Variants in CCNH observed in about 807,000 individuals in gnomAD.
The protein encoded by CCNH is cyclin-H.
CCNH carries 31 observed loss-of-function variants against 41.9 expected under a neutral mutation model. That is an observed-to-expected ratio of 0.74 (90% CI 0.56 to 1.00). CCNH has a LOEUF of 1.00. Among genes scored for constraint, CCNH ranks in the 50% least tolerant of loss-of-function variants. The probability of loss-of-function intolerance (pLI) is 0.00; values close to 1 mark genes in which losing one functional copy is unlikely to be tolerated. For synonymous variants in CCNH, 138 were observed against 136.1 expected, an observed-to-expected ratio of 1.01 and a Z score of -0.10; for missense variants, 362 against 388.4, an observed-to-expected ratio of 0.93 and a Z score of 0.57.
upstream of CCNH, chr5:87,377,194 C>A: frequency 1.0e-6 from 1 of 961,020 alleles, no homozygotes; most frequent in Non-Finnish European, 1.6e-6. Context: ...AGTTGGATGT[C>A]AGTTCTGATT....
At chr5:87,363,708 A>G (rs1008151159) in intron 9 of CCNH, among the ~76,000 whole-genome samples, 1 of 152,040 alleles carries the variant, frequency 6.6e-6, no homozygotes, top group Non-Finnish European at 1.5e-5. Flanking sequence ...AATCTTTGGC[A>G]TGACATTTCC....
At chr5:87,404,284 G>A (rs1250341632) in intron 5 of CCNH, among the ~76,000 whole-genome samples, 1 of 152,090 alleles carries the variant, frequency 6.6e-6, no homozygotes, top group African/African-American at 2.4e-5. Context: ...CTTATCAATG[G>A]ATTCTGAAAT....
At chr5:87,322,519 T>C (rs1580258480) in intron 9 of CCNH, among the ~76,000 whole-genome samples, 1 of 152,200 alleles carries the variant, frequency 6.6e-6, no homozygotes, top group South Asian at 2.1e-4. Context: ...GGACTACTGG[T>C]TTAAAGGAGC....
intron 4 of CCNH, among the ~76,000 whole-genome samples, chr5:87,407,202 C>A (rs1247210694): frequency 6.6e-6 from 1 of 152,158 alleles, no homozygotes; most frequent in Non-Finnish European, 1.5e-5. Context: ...GTTTTCCTTA[C>A]CCCTTAATCT....
chr5:87,401,731 C>A lies in CCNH; in HGVS notation c.731G>T (p.Cys244Phe). The change falls in exon 6 of 9, where the codon TGC (cysteine) becomes TTC (phenylalanine). Residue 244 changes from cysteine to phenylalanine, a missense_variant. Cys to Phe is a radical substitution (Grantham distance 205). Transcript: ENST00000256897. ...ESLMLKENRT[C>F]LSQLLDIMKS... ...CATTATATCTAGTAACTGTGACAGG[C>A]AAGTTCTGTTCTCTTTCAGCATCAG... is the stretch of plus-strand genomic sequence containing the variant. 6.3e-7 allele frequency: 1 copy of A among 1,589,662 alleles called. No individual in the cohort carries two copies. The highest frequency in any genetic ancestry group is 1.1e-5 in the South Asian group (1 of 87,284).
At chr5:87,389,868 T>C (rs1052202522), downstream of CCNH, among the ~76,000 whole-genome samples, 1 of 152,194 alleles carries the variant, frequency 6.6e-6, no homozygotes, top group African/African-American at 2.4e-5. Context: ...GTCTTTTCTC[T>C]GTCACATACA....
intron 9 of CCNH, chr5:87,333,322 A>G (rs1310494324): frequency 6.2e-7 from 1 of 1,613,326 alleles, no homozygotes; most frequent in African/African-American, 1.3e-5. Context: ...AAAGTACCAG[A>G]CACTGATGAA....
intron 9 of CCNH, among the ~76,000 whole-genome samples, chr5:87,319,545 C>T (rs376447249): frequency 3.3e-5 from 5 of 152,238 alleles, no homozygotes; most frequent in Non-Finnish European, 4.4e-5. Context: ...AGCCATGGCC[C>T]GAGTTGTACA....
chr5:87,313,232 G>T, the CCNH span, among the ~76,000 whole-genome samples: 1 of 152,156 alleles, frequency 6.6e-6, no homozygotes, highest in Non-Finnish European at 1.5e-5. Flanking sequence ...ATATCACTTT[G>T]GGCACAGGTG....
exon 1 of CCNH, chr5:87,376,770 G>C: frequency 8.0e-7 from 1 of 1,245,062 alleles, no homozygotes; most frequent in Non-Finnish European, 1.1e-6. Flanking sequence ...TTATTCAATG[G>C]GACATCATTT....
chr5:87,355,371 G>T (rs1759574353), intron 9 of CCNH, among the ~76,000 whole-genome samples: 1 of 152,144 alleles, frequency 6.6e-6, no homozygotes. Context: ...TCAGAATTAT[G>T]CCAAATCTAC....
intron 9 of CCNH, among the ~76,000 whole-genome samples, chr5:87,328,395 G>C (rs559085018): frequency 2.0e-5 from 3 of 152,068 alleles, no homozygotes; most frequent in Non-Finnish European, 4.4e-5. Flanking sequence ...GGCTTTGACT[G>C]TGAAGACTTA....
At chr5:87,322,774 C>T (rs1264083126) in intron 9 of CCNH, among the ~76,000 whole-genome samples, 1 of 152,106 alleles carries the variant, frequency 6.6e-6, no homozygotes, top group South Asian at 2.1e-4. Flanking sequence ...TGGACGAAAA[C>T]CTATTTTTAA....
chr5:87,376,298 C>T (rs1038681689), exon 1 of CCNH: 5 of 1,407,838 alleles, frequency 3.6e-6, no homozygotes, highest in Non-Finnish European at 3.9e-6. Flanking sequence ...AAGCATTTAA[C>T]ACCATAGGGA....
exon 1 of CCNH, chr5:87,377,141 T>C (rs1761382946): frequency 7.1e-7 from 1 of 1,412,036 alleles, no homozygotes; most frequent in Admixed American, 1.7e-5. Context: ...TGTTAAATTA[T>C]ATTGCAAAAT....
chr5:87,373,328 G>A (rs886283243), downstream of CCNH, among the ~76,000 whole-genome samples: 1 of 152,090 alleles, frequency 6.6e-6, no homozygotes, highest in African/African-American at 2.4e-5. Flanking sequence ...AAGTAATCTA[G>A]AGATGATTTA....
At chr5:87,381,993 C>T (rs1246430673), upstream of CCNH, among the ~76,000 whole-genome samples, 2 of 152,052 alleles carry the variant, frequency 1.3e-5, no homozygotes, top group African/African-American at 4.8e-5. Context: ...GCTCTGTTGC[C>T]CATGCTGGAG....
At chr5:87,332,661 AT>A in intron 9 of CCNH, 2 of 1,599,252 alleles carry the variant, frequency 1.3e-6, no homozygotes, top group Non-Finnish European at 1.7e-6. Context: ...AATGAATAAA[AT>A]ATCTTTCAAA....
intron 9 of CCNH, chr5:87,349,501 T>A: frequency 1.0e-6 from 1 of 1,000,078 alleles, no homozygotes; most frequent in Non-Finnish European, 1.5e-6. Context: ...AATTTCATAG[T>A]AGTCATGCCC....
Sources: allele counts gnomAD v4.1 joint callset (sites outside exome capture counted in the v4.1 genomes callset), GRCh38; gene constraint gnomAD v4.1.1; transcripts MANE v1.5; gene names NCBI Gene and HGNC (gene_info 2026-07-23, HGNC 2026-07-21).